The following SMYD3 variants were observed in gnomAD, a reference collection of about 807,000 sequenced individuals.
SMYD3 encodes the protein histone-lysine N-methyltransferase SMYD3.
A neutral mutation model predicts 57.7 loss-of-function variants in SMYD3; 36 were observed. The observed-to-expected ratio is 0.62, with a 90% CI of 0.48 to 0.82. SMYD3 has a LOEUF of 0.82. SMYD3 is among the 40% of genes least tolerant of loss of function. The pLI is 0.00. For missense variants in SMYD3, 515 were observed against 538.8 expected (o/e 0.96, Z 0.44); for synonymous variants, 211 against 195.0 (o/e 1.08, Z -0.68).
intron 5 of SMYD3, among the ~76,000 whole-genome samples, chr1:246,316,372 T>C (rs2065157144): frequency 2.0e-5 from 3 of 151,054 alleles, no homozygotes; most frequent in East Asian, 3.9e-4. Context: ...TTTTTTTTTT[T>C]TTTTTTGAGA....
chr1:245,960,841 C>T (rs1417562555), intron 5 of SMYD3, among the ~76,000 whole-genome samples: 3 of 152,166 alleles, frequency 2.0e-5, no homozygotes, highest in African/African-American at 7.2e-5. Context: ...TTCAGATATA[C>T]TTTGCATTTT....
intron 10 of SMYD3, among the ~76,000 whole-genome samples, chr1:245,817,534 A>G (rs2048922335): frequency 6.6e-6 from 1 of 152,144 alleles, no homozygotes; most frequent in Non-Finnish European, 1.5e-5. Context: ...GCAACGGAAC[A>G]AAGCTGGACG....
chr1:245,844,668 T>A (rs1221506139), intron 10 of SMYD3, among the ~76,000 whole-genome samples: 1 of 151,668 alleles, frequency 6.6e-6, no homozygotes, highest in African/African-American at 2.4e-5. Context: ...GTCTTAGGGT[T>A]CTATGCTCCC....
intron 10 of SMYD3, among the ~76,000 whole-genome samples, chr1:245,844,687 G>T (rs1042106929): frequency 1.3e-5 from 2 of 150,628 alleles, no homozygotes; most frequent in Admixed American, 1.3e-4. Flanking sequence ...CCTTAGTTAT[G>T]AGCAGTAGTA....
intron 5 of SMYD3, among the ~76,000 whole-genome samples, chr1:246,018,467 T>G (rs1251807132): frequency 6.6e-6 from 1 of 152,222 alleles, no homozygotes; most frequent in Non-Finnish European, 1.5e-5. Context: ...GAACTGAGCT[T>G]TAGAGAAACA....
chr1:245,953,825 ACACAGGACT>A (rs2057744322), intron 5 of SMYD3, among the ~76,000 whole-genome samples: 1 of 152,220 alleles, frequency 6.6e-6, no homozygotes, highest in Admixed American at 6.5e-5. Flanking sequence ...CTTCAAACAA[ACACAGGACT>A]TTTCACAAAT....
At chr1:246,134,374 C>T (rs979295452) in intron 5 of SMYD3, among the ~76,000 whole-genome samples, 1 of 152,024 alleles carries the variant, frequency 6.6e-6, no homozygotes, top group African/African-American at 2.4e-5. Context: ...ATAATAAACA[C>T]TTATGTATTC....
At chr1:246,445,971 G>T (rs1455115010) in intron 1 of SMYD3, among the ~76,000 whole-genome samples, 1 of 152,032 alleles carries the variant, frequency 6.6e-6, no homozygotes, top group Non-Finnish European at 1.5e-5. Flanking sequence ...CATAACTAAT[G>T]AATTTCCCAC....
chr1:245,848,103 C>CTTT (rs35906120), intron 10 of SMYD3, among the ~76,000 whole-genome samples: 12 of 147,964 alleles, frequency 8.1e-5, no homozygotes, highest in Non-Finnish European at 1.0e-4. Flanking sequence ...GAGATAAAGT[C>CTTT]TTTTTTTTTT....
intron 1 of SMYD3, among the ~76,000 whole-genome samples, chr1:246,439,729 C>T: frequency 6.6e-6 from 1 of 152,160 alleles, no homozygotes; most frequent in South Asian, 2.1e-4. Flanking sequence ...GGGCGGATTA[C>T]TTGAGCCCAG....
chr1:246,438,164 C>A (rs1036070686), intron 1 of SMYD3, among the ~76,000 whole-genome samples: 2 of 152,090 alleles, frequency 1.3e-5, no homozygotes, highest in African/African-American at 4.8e-5. Flanking sequence ...AAAAGAAAAT[C>A]TTTTTAACTA....
At chr1:246,032,847 G>T (rs1442075948) in intron 5 of SMYD3, among the ~76,000 whole-genome samples, 1 of 152,150 alleles carries the variant, frequency 6.6e-6, no homozygotes, top group Admixed American at 6.5e-5. Context: ...GGAGAGTTCA[G>T]GCAGACATGG....
chr1:246,453,501 G>C (rs960223576), intron 1 of SMYD3, among the ~76,000 whole-genome samples: 17 of 152,112 alleles, frequency 1.1e-4, no homozygotes, highest in African/African-American at 4.1e-4. Flanking sequence ...TGACAAAAAA[G>C]GTAAAATAAC....
intron 1 of SMYD3, among the ~76,000 whole-genome samples, chr1:246,498,363 C>T (rs1184677250): frequency 1.3e-5 from 2 of 152,184 alleles, no homozygotes; most frequent in Non-Finnish European, 2.9e-5. Context: ...GGAAGATCTC[C>T]ATGAACTGAT....
At chr1:245,844,643 C>T (rs532660429) in intron 10 of SMYD3, among the ~76,000 whole-genome samples, 20 of 148,966 alleles carry the variant, frequency 1.3e-4, no homozygotes, top group African/African-American at 3.7e-4. Context: ...GTCCCAAGAA[C>T]GCTAACGGCC....
rs550255566 is a variant in SMYD3, at chr1:246,249,053, G to T, written c.531+78148C>A. On this transcript the variant is annotated intron_variant, in intron 5 of 11. Transcript: ENST00000490107. ...AACTACAAAGTGCATTTTAAAATAG[G>T]TGATTACTGGGATTTTTTTTTAGTA... Among the ~76,000 whole-genome samples the T allele has an allele frequency of 3.3e-5, 5 of 152,004 alleles. No individual in the cohort carries two copies. The East Asian group carries it at 9.7e-4, about 30-fold the overall frequency.
chr1:245,818,179 T>A (rs1275020057), intron 10 of SMYD3, among the ~76,000 whole-genome samples: 9 of 152,160 alleles, frequency 5.9e-5, no homozygotes, highest in Admixed American at 5.9e-4. Flanking sequence ...GGGAAGCCCA[T>A]CAGACTAACA....
intron 1 of SMYD3, among the ~76,000 whole-genome samples, chr1:246,389,824 C>T (rs1234441119): frequency 1.3e-5 from 2 of 150,220 alleles, no homozygotes; most frequent in Non-Finnish European, 3.0e-5. Flanking sequence ...TGGGGACCTC[C>T]TTGTAGAAAG....
intron 5 of SMYD3, among the ~76,000 whole-genome samples, chr1:246,213,293 T>A (rs545327794): frequency 6.6e-6 from 1 of 152,248 alleles, no homozygotes; most frequent in Admixed American, 6.5e-5. Context: ...CACAGCAGCA[T>A]GTATGTTAAT....
Sources: allele counts gnomAD v4.1 joint callset (sites outside exome capture counted in the v4.1 genomes callset), GRCh38; gene constraint gnomAD v4.1.1; transcripts MANE v1.5; gene names NCBI Gene and HGNC (gene_info 2026-07-23, HGNC 2026-07-21).